PTBP3: variants seen among roughly 807,000 people sequenced by gnomAD.
PTBP3 encodes polypyrimidine tract binding protein 3.
PTBP3 carries 20 observed loss-of-function variants against 58.7 expected under a neutral mutation model. The ratio of observed to expected loss-of-function variants is 0.34; its 90% CI spans 0.24 to 0.50. PTBP3 has a LOEUF of 0.50. PTBP3 is among the 20% of genes least tolerant of loss of function. PTBP3 has a pLI of 0.98. For synonymous variants in PTBP3, 185 were observed against 219.8 expected, an observed-to-expected ratio of 0.84 and a Z score of 1.40; for missense variants, 509 against 637.2, an observed-to-expected ratio of 0.80 and a Z score of 2.17.
intron 1 of PTBP3, among the ~76,000 whole-genome samples, chr9:112,300,669 G>A (rs536879306): frequency 3.3e-5 from 5 of 152,186 alleles, no homozygotes; most frequent in East Asian, 3.9e-4. Context: ...GGAGAATGGC[G>A]TGAACCCGGG....
chr9:112,299,053 G>A (rs1413596579), intron 1 of PTBP3, among the ~76,000 whole-genome samples: 1 of 152,156 alleles, frequency 6.6e-6, no homozygotes, highest in Non-Finnish European at 1.5e-5. Flanking sequence ...GGCTACATAT[G>A]ATAATTAACA....
intron 7 of PTBP3, among the ~76,000 whole-genome samples, chr9:112,239,126 G>T (rs975555474): frequency 6.6e-6 from 1 of 152,170 alleles, no homozygotes; most frequent in African/African-American, 2.4e-5. Flanking sequence ...CTTCTATTAT[G>T]TAAGAAAAGG....
At chr9:112,248,589 T>C (rs1290844311) in intron 7 of PTBP3, among the ~76,000 whole-genome samples, 3 of 152,222 alleles carry the variant, frequency 2.0e-5, no homozygotes, top group African/African-American at 7.2e-5. Context: ...GTGAAAACTA[T>C]GTTAAGATAC....
intron 5 of PTBP3, among the ~76,000 whole-genome samples, chr9:112,260,059 C>G (rs763092475): frequency 6.6e-6 from 1 of 152,090 alleles, no homozygotes; most frequent in African/African-American, 2.4e-5. Flanking sequence ...AGATACATGC[C>G]AGCACACCCG....
At chr9:112,299,313 G>A (rs934661403) in intron 1 of PTBP3, among the ~76,000 whole-genome samples, 5 of 152,074 alleles carry the variant, frequency 3.3e-5, no homozygotes, top group African/African-American at 1.2e-4. Context: ...TTGCAGAAAT[G>A]TATTTTTTCA....
the PTBP3 span, among the ~76,000 whole-genome samples, chr9:112,364,358 G>A: frequency 6.6e-6 from 1 of 151,800 alleles, no homozygotes; most frequent in Non-Finnish European, 1.5e-5. Context: ...AAGTATTTTG[G>A]TAAAGAAAAG....
At chr9:112,267,985 A>G in intron 4 of PTBP3, 64 bp downstream of exon 4, 1 of 1,411,892 alleles carries the variant, frequency 7.1e-7, no homozygotes, top group Non-Finnish European at 9.5e-7. Flanking sequence ...TTCATCTGTA[A>G]AGTATGTAAG....
intron 2 of PTBP3, among the ~76,000 whole-genome samples, chr9:112,292,577 C>T (rs1828486135): frequency 6.6e-6 from 1 of 152,096 alleles, no homozygotes; most frequent in South Asian, 2.1e-4. Context: ...GTGGTATATA[C>T]CTACAATTAT....
Position 112,223,897 on chromosome 9 carries a change from C to T in PTBP3, c.1529G>A (p.Gly510Glu). 1 of 1,613,548 alleles carries T rather than the reference C, an allele frequency of 6.2e-7. No homozygotes were observed. ...GGAAACTCTGAGGTGGTGATTTTCTCCAAGGTCATGGTTATGAAGCTCAAT... is the reference window on the plus strand; with the variant it reads ...GGAAACTCTGAGGTGGTGATTTTCTTCAAGGTCATGGTTATGAAGCTCAAT... ...ALIELHNHDL[G>E]ENHHLRVSFS... Residue 510 changes from glycine to glutamate, a missense_variant, in exon 14 of 14, where the codon GGA (glycine) becomes GAA (glutamate). By Grantham distance (98) the Gly-to-Glu change is moderately conservative. Transcript: ENST00000374257.
At chr9:112,358,348 C>T in the PTBP3 span, among the ~76,000 whole-genome samples, 1 of 152,110 alleles carries the variant, frequency 6.6e-6, no homozygotes, top group Non-Finnish European at 1.5e-5. Flanking sequence ...GCCACTGATG[C>T]TACTGGCATG....
chr9:112,340,878 A>C, the PTBP3 span, among the ~76,000 whole-genome samples: 1 of 124,386 alleles, frequency 8.0e-6, no homozygotes, highest in Non-Finnish European at 1.7e-5. Flanking sequence ...CTCTGTCTCA[A>C]AAAAAAAAAA....
intron 1 of PTBP3, among the ~76,000 whole-genome samples, chr9:112,320,291 A>AAAATATATAT (rs1411646280): frequency 2.3e-4 from 17 of 73,530 alleles, no homozygotes; most frequent in African/African-American, 6.3e-4. Flanking sequence ...AAAAAAAAAA[A>AAAATATATAT]ATATATATAT....
downstream of PTBP3, chr9:112,218,031 T>C (rs1834680780): frequency 6.6e-6 from 1 of 152,160 alleles, no homozygotes; most frequent in African/African-American, 2.4e-5. Context: ...ACTAATGCCG[T>C]AGGGAAGCCA....
At chr9:112,292,402 C>T (rs959248781) in intron 2 of PTBP3, among the ~76,000 whole-genome samples, 4 of 152,152 alleles carry the variant, frequency 2.6e-5, no homozygotes, top group Non-Finnish European at 5.9e-5. Context: ...AGAATTACCA[C>T]ATGATCCAGC....
intron 2 of PTBP3, among the ~76,000 whole-genome samples, chr9:112,277,936 CAT>C (rs1827691504): frequency 1.3e-5 from 1 of 79,058 alleles, no homozygotes; most frequent in Non-Finnish European, 2.6e-5. Flanking sequence ...CATAACATAA[CAT>C]AACATAATAT....
At chr9:112,287,291 A>G (rs957648059) in intron 2 of PTBP3, among the ~76,000 whole-genome samples, 2 of 130,556 alleles carry the variant, frequency 1.5e-5, no homozygotes, top group Non-Finnish European at 3.2e-5. Context: ...AGACTGCTTG[A>G]TTTTGTCCAG....
chr9:112,275,801 T>G, intron 3 of PTBP3, 43 bp downstream of exon 3: 1 of 1,491,208 alleles, frequency 6.7e-7, no homozygotes, highest in Non-Finnish European at 9.3e-7. Context: ...AATACTAACA[T>G]CTGGAGATAA....
chr9:112,362,271 C>T, the PTBP3 span, among the ~76,000 whole-genome samples: 1 of 152,076 alleles, frequency 6.6e-6, no homozygotes, highest in Non-Finnish European at 1.5e-5. Context: ...CATGGTTGCA[C>T]CTGAGCAACA....
rs2131926560 is a variant in PTBP3, at chr9:112,221,084, C to T, written c.*2767G>A. Reference sequence around the variant, plus strand: ...ACAGCAAATAGCTTAATATGGACAACATCCATGTGCTACAGCTAATTTTAG... The same window carrying T: ...ACAGCAAATAGCTTAATATGGACAATATCCATGTGCTACAGCTAATTTTAG... On this transcript the variant is annotated 3_prime_UTR_variant, in exon 14 of 14. Transcript: ENST00000374257. 1.0e-6 allele frequency: 1 copy of T among 985,106 alleles called. No homozygotes were observed. Among genetic ancestry groups the T allele is most frequent in the Admixed American group, 6.1e-5 (1 of 16,270 alleles). 61.0% of individuals were successfully genotyped at this position (985,106 alleles called of 1,614,324 possible).
Sources: gnomAD v4.1 joint callset for allele counts (sites outside exome capture counted in the v4.1 genomes callset) on GRCh38, gnomAD v4.1.1 for gene constraint, MANE v1.5 for transcripts, NCBI Gene and HGNC (gene_info 2026-07-23, HGNC 2026-07-21) for gene names.